MPHOSPH9: variants seen among roughly 807,000 people sequenced by gnomAD.
The protein encoded by MPHOSPH9 is M-phase phosphoprotein 9.
In MPHOSPH9, 88 loss-of-function variants were observed where a neutral mutation model predicts 145.5. That is an observed-to-expected ratio of 0.60 (90% CI 0.51 to 0.72). MPHOSPH9 has a LOEUF of 0.72. MPHOSPH9 is among the 30% of genes least tolerant of loss of function. The pLI is 0.00. For synonymous variants in MPHOSPH9, 435 were observed against 486.2 expected, an observed-to-expected ratio of 0.89 and a Z score of 1.39; for missense variants, 1,238 against 1,386.6, an observed-to-expected ratio of 0.89 and a Z score of 1.70.
intron 1 of MPHOSPH9, among the ~76,000 whole-genome samples, chr12:123,232,604 G>T (rs1448404761): frequency 6.6e-6 from 1 of 152,118 alleles, no homozygotes; most frequent in Non-Finnish European, 1.5e-5. Flanking sequence ...GCCAGATCCC[G>T]ACATTCTGAG....
At chr12:123,202,525 C>CT in intron 10 of MPHOSPH9, 99 bp downstream of exon 10, 1 of 1,306,932 alleles carries the variant, frequency 7.7e-7, no homozygotes, top group South Asian at 1.5e-5. Context: ...TGCTAAATCT[C>CT]TAAGACTTTA....
chr12:123,207,099 G>T (rs181187136), intron 8 of MPHOSPH9, among the ~76,000 whole-genome samples: 2 of 129,144 alleles, frequency 1.5e-5, no homozygotes, highest in East Asian at 2.5e-4. Flanking sequence ...CTATGTTTAA[G>T]TCTAAAGACT....
chr12:123,173,168 G>A (rs1397101396), intron 16 of MPHOSPH9, among the ~76,000 whole-genome samples: 1 of 151,988 alleles, frequency 6.6e-6, no homozygotes, highest in African/African-American at 2.4e-5. Context: ...GAGCCACCAC[G>A]CCCAGCCTGC....
Position 123,221,437 on chromosome 12 carries a change from A to G in MPHOSPH9, c.807T>C (p.Gly269=). 1 of 1,612,200 alleles carries G rather than the reference A, an allele frequency of 6.2e-7. No homozygotes were observed. The highest frequency in any genetic ancestry group is 8.5e-7 in the Non-Finnish European group (1 of 1,179,356). The change falls in exon 5 of 24, where the codon GGT becomes GGC. Residue 269 remains glycine (G), a synonymous_variant. Transcript: ENST00000606320. The stretch of plus-strand genomic sequence containing the variant: ...CACCAAGAAAATTATGTTCAAATTC[A>G]CCAGGAGAAATGGATACATCTTCCT... ...SLKEDVSISP[G]EFEHNFLGEN... is the part of the protein sequence containing the mutation.
At chr12:123,208,624 T>G (rs1163731798) in intron 8 of MPHOSPH9, among the ~76,000 whole-genome samples, 1 of 151,022 alleles carries the variant, frequency 6.6e-6, no homozygotes, top group African/African-American at 2.4e-5. Flanking sequence ...AATGGAGGTG[T>G]AACAAATGAA....
In MPHOSPH9 at chr12:123,202,850, C is replaced by T. The variant is rs2046281218; in HGVS notation, c.1555G>A (p.Asp519Asn). Residue 519 changes from aspartate (D) to asparagine (N), a missense_variant, in exon 10 of 24, where the codon GAC becomes AAC. Around this residue, in one of 3 missense-constraint regions of MPHOSPH9, gnomAD observed 837 missense variants for 897.5 expected, o/e 0.93. Coordinates refer to ENST00000606320, the MANE Select transcript of MPHOSPH9 (RefSeq NM_022782.4). ...YPSHTKASPV[D>N]SWKNQTFQNE... ...TGGAATGTCTGATTTTTCCAAGAGT[C>T]CACCGGAGAAGCTTTTGTGTGTGAG... 1 of 1,613,982 alleles carries T rather than the reference C, an allele frequency of 6.2e-7. No homozygotes were observed. Among genetic ancestry groups the T allele is most frequent in the Non-Finnish European group, 8.5e-7 (1 of 1,180,024 alleles).
intron 13 of MPHOSPH9, among the ~76,000 whole-genome samples, chr12:123,188,384 A>C (rs1201348242): frequency 6.8e-6 from 1 of 147,906 alleles, no homozygotes; most frequent in African/African-American, 2.4e-5. Flanking sequence ...CTATGTCCCA[A>C]CCACTGCATT....
intron 23 of MPHOSPH9, among the ~76,000 whole-genome samples, chr12:123,157,351 G>GA (rs76218367): frequency 9.8e-4 from 111 of 113,734 alleles, no homozygotes; most frequent in East Asian, 1.8e-3. Context: ...AGTTAAAAAG[G>GA]AAAAAAAAAA....
rs763062988 is a variant in MPHOSPH9 at position 123,198,308 on chromosome 12, T to C, written c.1964A>G (p.His655Arg). ...TGTTCTCACGCGACTAGTAGCTTCA[T>C]GCAAAGCACTATCTAATTGGCCACA... ...DRCGQLDSAL[H>R]EATSRVRTLE... The change falls in exon 12 of 24, where the codon CAT becomes CGT. Residue 655 changes from histidine (H) to arginine (R), a missense_variant. Physicochemically the swap from His to Arg is conservative, Grantham distance 29. This residue lies in a region of MPHOSPH9 where 837 missense variants were observed against 897.5 expected (regional missense o/e 0.93). Coordinates refer to ENST00000606320, the MANE Select transcript of MPHOSPH9 (RefSeq NM_022782.4). 11 of 1,612,300 alleles carry C rather than the reference T, an allele frequency of 6.8e-6. No homozygotes were observed. Among genetic ancestry groups the C allele is most frequent in the Middle Eastern group, 3.3e-4 (2 of 6,084 alleles).
rs1256783968 is a variant in MPHOSPH9 at position 123,201,877 on chromosome 12, T to C, written c.1937+287A>G. On this transcript the variant is annotated intron_variant, in intron 11 of 23. Coordinates refer to ENST00000606320, the MANE Select transcript of MPHOSPH9 (RefSeq NM_022782.4). ...AAGAACTGCCACAGGACATAAGCCA[T>C]AGACTTATTAGAAAGTCCATAGTAC... Among the ~76,000 whole-genome samples, 3 of 152,298 alleles carry C rather than the reference T, an allele frequency of 2.0e-5. 1 individual carries two copies. Among genetic ancestry groups the C allele is most frequent in the South Asian group, 2.1e-4 (1 of 4,828 alleles).
At position 123,203,624 on chromosome 12, in the gene MPHOSPH9, C is replaced by G. The variant is rs541233384; in HGVS notation, c.1195-249G>C. Among the ~76,000 whole-genome samples the G allele has an allele frequency of 2.0e-5, 3 of 152,206 alleles. No homozygotes were observed. The South Asian group carries it at 6.2e-4, about 32-fold the overall frequency. Reference sequence around the variant, plus strand: ...AATGTGAACATTAATTATTTAGCAGCCTATGAATACTTCCAAATAATGAAA... The same window carrying G: ...AATGTGAACATTAATTATTTAGCAGGCTATGAATACTTCCAAATAATGAAA... On this transcript the variant is annotated intron_variant, in intron 8 of 23. Transcript: ENST00000606320.
Position 123,231,336 on chromosome 12 carries a change from T to C in MPHOSPH9, c.-158-814A>G, listed in dbSNP as rs149334605. 1.1e-4 allele frequency among the ~76,000 whole-genome samples: 17 copies of C among 152,322 alleles called. No individual in the cohort carries two copies. In the East Asian group the frequency reaches 3.3e-3, roughly 29 times the overall value. The stretch of plus-strand genomic sequence containing the variant: ...TTGGAATACTTGCATGCCTTGTTCA[T>C]TTGTTTAATAAATTCTACCAAGTAT... On this transcript the variant is annotated intron_variant, in intron 1 of 23. Transcript: ENST00000606320.
chr12:123,153,738 G>C (rs1174335928), downstream of MPHOSPH9, among the ~76,000 whole-genome samples: 1 of 141,922 alleles, frequency 7.0e-6, no homozygotes, highest in African/African-American at 2.7e-5. Flanking sequence ...ACTCCAGCCT[G>C]GGCAACAGAA....
At chr12:123,152,864 C>A (rs1371662002), downstream of MPHOSPH9, 1 of 168,778 alleles carries the variant, frequency 5.9e-6, no homozygotes, top group African/African-American at 2.4e-5. Flanking sequence ...TACAGGTGTG[C>A]ATTTATTTTT....
At chr12:123,177,204 TA>T (rs1255190547) in intron 15 of MPHOSPH9, among the ~76,000 whole-genome samples, 1 of 151,228 alleles carries the variant, frequency 6.6e-6, no homozygotes, top group Non-Finnish European at 1.5e-5. Context: ...TGCAAGTCCA[TA>T]AACATTTTTC....
intron 7 of MPHOSPH9, 84 bp downstream of exon 7, chr12:123,214,656 TTTTA>T: frequency 2.3e-5 from 2 of 86,248 alleles, no homozygotes; most frequent in Non-Finnish European, 5.7e-5. Context: ...GCAAGTTGTT[TTTTA>T]AAAATAATGC....
intron 20 of MPHOSPH9, chr12:123,162,813 T>C: frequency 2.2e-6 from 1 of 458,444 alleles, no homozygotes; most frequent in East Asian, 3.6e-5. Flanking sequence ...AATCTAGTAG[T>C]AGCAAGTTTA....
chr12:123,181,239 C>A lies in MPHOSPH9; in HGVS notation c.2242-29G>T, dbSNP rs1364139341. On this transcript the variant is annotated intron_variant, in intron 13 of 23. Coordinates refer to ENST00000606320, the MANE Select transcript of MPHOSPH9 (RefSeq NM_022782.4). Reference sequence around the variant, plus strand: ...CAAGGAAAAACAAAAAAAAATTATACCACAAAATTAAACGTTATTCTATCA... The same window carrying A: ...CAAGGAAAAACAAAAAAAAATTATAACACAAAATTAAACGTTATTCTATCA... The A allele has an allele frequency of 3.8e-6, 6 of 1,590,300 alleles. No homozygotes were observed. In the Admixed American group the frequency reaches 8.5e-5, roughly 22 times the overall value.
rs531377800 is a variant in MPHOSPH9, at chr12:123,223,673, T to C, written c.259-546A>G. On this transcript the variant is annotated intron_variant, in intron 3 of 23. Transcript: ENST00000606320. The stretch of plus-strand genomic sequence containing the variant: ...CCACCCTGCAATTTCAGCCTAATTG[T>C]CATCTTCTCAAACCATCCTAACAGT... Among the ~76,000 whole-genome samples, 17 of 152,328 alleles carry C rather than the reference T, an allele frequency of 1.1e-4. No homozygotes were observed. In the South Asian group the frequency reaches 2.7e-3, roughly 24 times the overall value.
Sources: gnomAD v4.1 joint callset for allele counts (sites outside exome capture counted in the v4.1 genomes callset) on GRCh38, gnomAD v4.1.1 for gene constraint, gnomAD v4.1.1 regional missense constraint, MANE v1.5 for transcripts, NCBI Gene and HGNC (gene_info 2026-07-23, HGNC 2026-07-21) for gene names.